RIMS1: variants seen among roughly 807,000 people sequenced by gnomAD.
The protein encoded by RIMS1 is regulating synaptic membrane exocytosis protein 1.
In RIMS1, 83 loss-of-function variants were observed where a neutral mutation model predicts 214.1. The ratio of observed to expected loss-of-function variants is 0.39; its 90% CI spans 0.32 to 0.47. The LOEUF is 0.47. Among genes scored for constraint, RIMS1 ranks in the 20% least tolerant of loss-of-function variants. RIMS1 has a pLI of 0.99. For missense variants in RIMS1, 2,050 were observed against 2,161.8 expected (o/e 0.95, Z 1.03); for synonymous variants, 793 against 786.8 (o/e 1.01, Z -0.13).
intron 23 of RIMS1, among the ~76,000 whole-genome samples, chr6:72,280,928 A>C (rs1474048069): frequency 6.6e-6 from 1 of 152,136 alleles, no homozygotes; most frequent in Non-Finnish European, 1.5e-5. Flanking sequence ...AGTACTACTG[A>C]AATATTTAAA....
chr6:72,276,765 T>C (rs1591629216), intron 23 of RIMS1, among the ~76,000 whole-genome samples: 1 of 152,146 alleles, frequency 6.6e-6, no homozygotes, highest in East Asian at 1.9e-4. Flanking sequence ...ATAAATTATG[T>C]CCACTAATGC....
In RIMS1 at chr6:71,994,993, G is replaced by A. The variant is rs545396206; in HGVS notation, c.245+25930G>A. ...ATATTGCCTTTGTTAGAAAGAAATAGATGTTCTGAATTATGTGAGATCTAT... is the reference window on the plus strand; with the variant it reads ...ATATTGCCTTTGTTAGAAAGAAATAAATGTTCTGAATTATGTGAGATCTAT... On this transcript the variant is annotated intron_variant, in intron 2 of 33. Coordinates refer to ENST00000521978, the MANE Select transcript of RIMS1 (RefSeq NM_014989.7). Among the ~76,000 whole-genome samples the A allele has an allele frequency of 2.6e-5, 4 of 152,294 alleles. No individual in the cohort carries two copies. In the South Asian group the frequency reaches 8.3e-4, roughly 32 times the overall value.
intron 4 of RIMS1, among the ~76,000 whole-genome samples, chr6:72,178,251 C>T (rs2463732): frequency 0.98 from 148,922 of 152,290 alleles, 72,891 homozygotes; most frequent in East Asian, 1. Context: ...TCTTAATTCA[C>T]CTGCAGTATT....
intron 29 of RIMS1, among the ~76,000 whole-genome samples, chr6:72,379,502 G>T (rs2098449524): frequency 6.6e-6 from 1 of 152,212 alleles, no homozygotes; most frequent in Non-Finnish European, 1.5e-5. Context: ...TAATTTTACG[G>T]CATTCTAAAT....
At chr6:72,135,876 GT>G (rs1037925621) in intron 4 of RIMS1, among the ~76,000 whole-genome samples, 33 of 152,150 alleles carry the variant, frequency 2.2e-4, no homozygotes, top group African/African-American at 8.0e-4. Context: ...GACCCCATCT[GT>G]TTAGAAGATG....
At chr6:72,389,167 A>G (rs561973695) in intron 29 of RIMS1, among the ~76,000 whole-genome samples, 38 of 152,334 alleles carry the variant, frequency 2.5e-4, no homozygotes, top group African/African-American at 8.9e-4. Context: ...CCAATGTCAA[A>G]GAAGGAAAAA....
intron 6 of RIMS1, among the ~76,000 whole-genome samples, chr6:72,195,007 A>T (rs376975962): frequency 9.8e-5 from 15 of 152,294 alleles, no homozygotes; most frequent in East Asian, 5.8e-4. Context: ...AATATAATTC[A>T]TTGAAAGAAG....
At position 71,922,387 on chromosome 6, in the gene RIMS1, C is replaced by A. The variant is rs536000502; in HGVS notation, c.164+35200C>A. Among the ~76,000 whole-genome samples, 64 of 152,090 alleles carry A rather than the reference C, an allele frequency of 4.2e-4. 1 individual carries two copies. Among genetic ancestry groups the A allele is most frequent in the Middle Eastern group, 3.2e-3 (1 of 314 alleles). ...TCTATGAATTTGCCTATTTTAGGTA[C>A]CTCATATAAATGCACTCATGCCATA... On this transcript the variant is annotated intron_variant, in intron 1 of 33. Transcript: ENST00000521978.
chr6:72,226,818 A>G (rs2060336659), intron 6 of RIMS1, among the ~76,000 whole-genome samples: 1 of 152,046 alleles, frequency 6.6e-6, no homozygotes, highest in African/African-American at 2.4e-5. Context: ...TACAATCACT[A>G]ATTAACTGTA....
intron 4 of RIMS1, among the ~76,000 whole-genome samples, chr6:72,135,135 G>T (rs1223990764): frequency 6.6e-6 from 1 of 152,074 alleles, no homozygotes; most frequent in African/African-American, 2.4e-5. Flanking sequence ...AAAGTTAAAT[G>T]TAAGAAAAGG....
At chr6:71,949,118 CT>C (rs1470919856) in intron 1 of RIMS1, among the ~76,000 whole-genome samples, 1 of 152,118 alleles carries the variant, frequency 6.6e-6, no homozygotes, top group African/African-American at 2.4e-5. Context: ...CATCTAAGTG[CT>C]TATGGGTGTA....
At chr6:72,180,568 A>G (rs1323353123) in intron 5 of RIMS1, among the ~76,000 whole-genome samples, 4 of 152,250 alleles carry the variant, frequency 2.6e-5, no homozygotes, top group Admixed American at 2.6e-4. Context: ...GCCACTGAAT[A>G]TTTAAACAGG....
chr6:72,338,693 CA>C (rs1400323462), intron 29 of RIMS1, among the ~76,000 whole-genome samples: 2 of 151,906 alleles, frequency 1.3e-5, no homozygotes, highest in African/African-American at 4.8e-5. Context: ...GACATTTATG[CA>C]GCCAAAACAC....
At chr6:71,974,329 TAAAG>T (rs1293979778) in intron 2 of RIMS1, among the ~76,000 whole-genome samples, 1 of 151,958 alleles carries the variant, frequency 6.6e-6, no homozygotes, top group Non-Finnish European at 1.5e-5. Flanking sequence ...GTAAGTGTGT[TAAAG>T]AGGGAGAAAG....
chr6:72,303,650 T>C (rs1463772982), intron 26 of RIMS1, among the ~76,000 whole-genome samples: 1 of 151,504 alleles, frequency 6.6e-6, no homozygotes, highest in African/African-American at 2.4e-5. Flanking sequence ...AATTTTAACA[T>C]TGAATTGATT....
At chr6:72,255,020 C>T (rs1008395320) in intron 16 of RIMS1, among the ~76,000 whole-genome samples, 1 of 22,102 alleles carries the variant, frequency 4.5e-5, no homozygotes, top group African/African-American at 1.5e-4. Flanking sequence ...TTTCAAAGAT[C>T]TCCTCATAAA....
At position 72,282,148 on chromosome 6, in the gene RIMS1, A is replaced by G. The variant is rs2090426063; in HGVS notation, c.3483-1899A>G. On this transcript the variant is annotated intron_variant, in intron 23 of 33. Coordinates refer to ENST00000521978, the MANE Select transcript of RIMS1 (RefSeq NM_014989.7). ...CTGAAGATGAGAAAAGGAGCATTTG[A>G]TCTTCCAGTCAGTTGCCTTGAGCAC... Among the ~76,000 whole-genome samples, 5 of 152,206 alleles carry G rather than the reference A, an allele frequency of 3.3e-5. No individual in the cohort carries two copies. In the South Asian group the frequency reaches 1.0e-3, roughly 32 times the overall value.
intron 1 of RIMS1, among the ~76,000 whole-genome samples, chr6:71,900,956 T>C (rs1463201770): frequency 6.6e-6 from 1 of 151,980 alleles, no homozygotes; most frequent in Admixed American, 6.6e-5. Context: ...TAGAGGACAA[T>C]AGCCCTGCAA....
At chr6:72,193,637 C>T (rs1380484439) in intron 6 of RIMS1, among the ~76,000 whole-genome samples, 3 of 152,176 alleles carry the variant, frequency 2.0e-5, no homozygotes, top group Non-Finnish European at 4.4e-5. Context: ...TGTGACACTG[C>T]ACAAGTTACT....
Sources: allele counts gnomAD v4.1 joint callset (sites outside exome capture counted in the v4.1 genomes callset), GRCh38; gene constraint gnomAD v4.1.1; transcripts MANE v1.5; gene names NCBI Gene and HGNC (gene_info 2026-07-23, HGNC 2026-07-21).